EXTL3: variants seen among roughly 807,000 people sequenced by gnomAD.
EXTL3 encodes the protein exostosin-like 3.
EXTL3 carries 27 observed loss-of-function variants against 69.3 expected under a neutral mutation model. The ratio of observed to expected loss-of-function variants is 0.39; its 90% CI spans 0.29 to 0.54. EXTL3 has a LOEUF of 0.54. Among genes scored for constraint, EXTL3 ranks in the 20% least tolerant of loss-of-function variants. The pLI, the probability that EXTL3 is intolerant of heterozygous loss-of-function variation, is 0.69. For missense variants in EXTL3, 1,003 were observed against 1,231.8 expected (o/e 0.81, Z 2.78); for synonymous variants, 511 against 499.4 (o/e 1.02, Z -0.31).
rs774971340 is a variant in EXTL3, at chr8:28,716,833, G to A, written c.774G>A (p.Lys258=). 1.9e-6 allele frequency: 3 copies of A among 1,614,202 alleles called. No homozygotes were observed. Among genetic ancestry groups the A allele is most frequent in the Admixed American group, 3.3e-5 (2 of 60,026 alleles). The change falls in exon 3 of 7, where the codon AAG becomes AAA. Residue 258 remains lysine, a synonymous_variant. Transcript: ENST00000220562. This position sits in a 1 kb window ranked among gnomAD's most constrained non-coding sequence, Gnocchi z 7.1. ...TGCTGCGGCCTGCTGAGCTGGAGAA[G>A]CAGTTGTATTCCCTGCCACACTGGC... ...PVVLRPAELE[K]QLYSLPHWRT...
chr8:28,672,547 G>C (rs986402959), intron 1 of EXTL3, among the ~76,000 whole-genome samples: 4 of 152,164 alleles, frequency 2.6e-5, no homozygotes, highest in African/African-American at 9.7e-5. Context: ...GGTTCTCAAA[G>C]TGTATTCCTT....
At chr8:28,618,853 G>A (rs1188553918), upstream of EXTL3, among the ~76,000 whole-genome samples, 3 of 151,904 alleles carry the variant, frequency 2.0e-5, no homozygotes, top group South Asian at 2.1e-4. Context: ...GGGAGGCTGA[G>A]GCTGGTGGAT....
intron 1 of EXTL3, among the ~76,000 whole-genome samples, chr8:28,645,466 T>C (rs1806813161): frequency 6.6e-6 from 1 of 152,236 alleles, no homozygotes. Context: ...ATATTTATGA[T>C]TTATTAATTG....
chr8:28,670,811 GA>G (rs1807274111), intron 1 of EXTL3, among the ~76,000 whole-genome samples: 1 of 152,150 alleles, frequency 6.6e-6, no homozygotes, highest in African/African-American at 2.4e-5. Flanking sequence ...GGACACTCCT[GA>G]CCCAATCAAG....
intron 1 of EXTL3, among the ~76,000 whole-genome samples, chr8:28,664,921 A>G (rs1328953591): frequency 1.6e-5 from 2 of 121,774 alleles, no homozygotes; most frequent in African/African-American, 5.0e-5. Flanking sequence ...ATCTTTGATG[A>G]TTTCCTCCCC....
chr8:28,654,925 C>G (rs189992076), intron 1 of EXTL3, among the ~76,000 whole-genome samples: 2 of 152,070 alleles, frequency 1.3e-5, no homozygotes, highest in Non-Finnish European at 2.9e-5. Context: ...TTTAGTCAAA[C>G]CTTTTGGGCT....
At chr8:28,720,781 C>T (rs917565953) in intron 3 of EXTL3, among the ~76,000 whole-genome samples, 3 of 152,192 alleles carry the variant, frequency 2.0e-5, no homozygotes, top group Non-Finnish European at 4.4e-5. Flanking sequence ...TGGTGAGTGT[C>T]TGCTCTCTCC....
chr8:28,615,624 G>A (rs1381311259), intron 2 of EXTL3, among the ~76,000 whole-genome samples: 2 of 152,142 alleles, frequency 1.3e-5, no homozygotes, highest in African/African-American at 4.8e-5. Flanking sequence ...CTGGAGTGCA[G>A]TGGCTTGATC....
chr8:28,663,078 G>T (rs184133626), intron 1 of EXTL3, among the ~76,000 whole-genome samples: 127 of 152,322 alleles, frequency 8.3e-4, no homozygotes, highest in Non-Finnish European at 1.4e-3. Flanking sequence ...AATTTTTAAT[G>T]CTCTATCCAC....
At chr8:28,651,937 C>G (rs61251084) in intron 1 of EXTL3, among the ~76,000 whole-genome samples, 2,179 of 152,262 alleles carry the variant, frequency 0.014, 65 homozygotes, top group African/African-American at 0.049. Flanking sequence ...CCTTTTGTGT[C>G]TAGCCTCTTT....
chr8:28,638,748 C>T (rs1049951518), intron 1 of EXTL3, among the ~76,000 whole-genome samples: 14 of 152,176 alleles, frequency 9.2e-5, no homozygotes, highest in Admixed American at 5.2e-4. Context: ...TCTTCTGCCT[C>T]AGCCTCCTGA....
In EXTL3 at chr8:28,637,865, C is replaced by G. The variant is rs567745938; in HGVS notation, c.-53+15055C>G. Among the ~76,000 whole-genome samples the G allele has an allele frequency of 5.9e-5, 9 of 152,268 alleles. No homozygotes were observed. In the East Asian group the frequency reaches 1.7e-3, roughly 29 times the overall value. ...AGGGACCTCCTTCCTCCTCGGCTCC[C>G]CAGCTGCCTTCACTCTGGCTTCTAT... On this transcript the variant is annotated intron_variant, in intron 1 of 6. Coordinates refer to the EXTL3 transcript ENST00000523149.
chr8:28,725,298 G>T (rs116741711), intron 3 of EXTL3, among the ~76,000 whole-genome samples: 2,088 of 152,176 alleles, frequency 0.014, 45 homozygotes, highest in African/African-American at 0.047. Context: ...TCCCGTGAAT[G>T]ATATTGTGCA....
intron 1 of EXTL3, among the ~76,000 whole-genome samples, chr8:28,670,462 C>T (rs1384412586): frequency 6.6e-6 from 1 of 152,086 alleles, no homozygotes; most frequent in Non-Finnish European, 1.5e-5. Context: ...TGGCTGGAGA[C>T]CCAGAAGGGC....
chr8:28,662,077 A>G (rs1214535331), intron 1 of EXTL3, among the ~76,000 whole-genome samples: 1 of 151,958 alleles, frequency 6.6e-6, no homozygotes, highest in African/African-American at 2.4e-5. Flanking sequence ...ATATGAGTGT[A>G]ACCTACGCAT....
chr8:28,616,570 T>A (rs1201246904), intron 2 of EXTL3, among the ~76,000 whole-genome samples: 2 of 150,540 alleles, frequency 1.3e-5, no homozygotes, highest in Non-Finnish European at 2.9e-5. Flanking sequence ...GAGCTTGCAG[T>A]GAGCCGAGAT....
intron 2 of EXTL3, among the ~76,000 whole-genome samples, chr8:28,610,748 T>C (rs985728890): frequency 1.0e-4 from 8 of 77,074 alleles, no homozygotes; most frequent in Non-Finnish European, 1.5e-4. Flanking sequence ...CTGTTTCTTT[T>C]TTTTTTTTTT....
chr8:28,638,811 A>G (rs951582879), intron 1 of EXTL3, among the ~76,000 whole-genome samples: 4 of 151,922 alleles, frequency 2.6e-5, no homozygotes, highest in Non-Finnish European at 5.9e-5. Flanking sequence ...TTGTATTTTT[A>G]GTACAGACGG....
chr8:28,699,516 T>C (rs1800742688), upstream of EXTL3: 1 of 152,496 alleles, frequency 6.6e-6, no homozygotes, highest in Non-Finnish European at 1.5e-5. Context: ...CTTTTTGTTG[T>C]TGTTGTTCCC....
Sources: gnomAD v4.1 joint callset for allele counts (sites outside exome capture counted in the v4.1 genomes callset) on GRCh38, gnomAD v4.1.1 for gene constraint, Gnocchi (gnomAD v3.1) non-coding constraint, MANE v1.5 for transcripts, NCBI Gene and HGNC (gene_info 2026-07-23, HGNC 2026-07-21) for gene names.